The following ALG6 variants were observed in gnomAD, a reference collection of about 807,000 sequenced individuals.
ALG6 encodes dolichyl pyrophosphate Man9GlcNAc2 alpha-1,3-glucosyltransferase.
ALG6 carries 46 observed loss-of-function variants against 66.6 expected under a neutral mutation model. That is an observed-to-expected ratio of 0.69 (90% CI 0.55 to 0.88). The LOEUF is 0.88. Among genes scored for constraint, ALG6 ranks in the 40% least tolerant of loss-of-function variants. The pLI, the probability that ALG6 is intolerant of heterozygous loss-of-function variation, is 0.00. For synonymous variants in ALG6, 185 were observed against 203.7 expected, an observed-to-expected ratio of 0.91 and a Z score of 0.78; for missense variants, 505 against 586.8, an observed-to-expected ratio of 0.86 and a Z score of 1.44.
chr1:63,396,141 CA>C (rs1376841614), intron 2 of ALG6, among the ~76,000 whole-genome samples: 2 of 152,252 alleles, frequency 1.3e-5, no homozygotes, highest in East Asian at 3.9e-4. Context: ...GAATCCCCCA[CA>C]GATACTGAGG....
At chr1:63,403,435 A>G (rs1644475245) in intron 4 of ALG6, among the ~76,000 whole-genome samples, 1 of 152,174 alleles carries the variant, frequency 6.6e-6, no homozygotes, top group Non-Finnish European at 1.5e-5. Context: ...TATAGAAGAT[A>G]AGGAACTTCT....
chr1:63,402,460 A>ATTTTTTTTTTT (rs760751565), intron 4 of ALG6, 117 bp downstream of exon 4: 1 of 233,004 alleles, frequency 4.3e-6, no homozygotes, highest in Non-Finnish European at 7.3e-6. Context: ...CTGCTATTGT[A>ATTTTTTTTTTT]TTTTTTTTTT....
In ALG6 at chr1:63,407,082, C is replaced by T; in HGVS notation, c.450C>T (p.Ile150=). ...TACAGATTGCTAATGCATTATGCAT[C>T]TTGCTGTATCCAGGCCTTATTCTTA... is the stretch of plus-strand genomic sequence containing the variant. ...TKKKIANALC[I]LLYPGLILID... Residue 150 remains isoleucine (I), a synonymous_variant, in exon 7 of 15, where the codon ATC becomes ATT. Transcript: ENST00000263440. 6.2e-7 allele frequency: 1 copy of T among 1,609,252 alleles called. No homozygotes were observed. The highest frequency in any genetic ancestry group is 8.5e-7 in the Non-Finnish European group (1 of 1,176,050).
chr1:63,407,196 T>A, intron 7 of ALG6, 70 bp downstream of exon 7: 1 of 1,108,228 alleles, frequency 9.0e-7, no homozygotes, highest in Non-Finnish European at 1.4e-6. Context: ...TGTACATTGC[T>A]GTCATCTAGT....
At chr1:63,389,828 T>G (rs1332584965) in intron 2 of ALG6, among the ~76,000 whole-genome samples, 1 of 152,216 alleles carries the variant, frequency 6.6e-6, no homozygotes, top group Non-Finnish European at 1.5e-5. Flanking sequence ...TCTTGCAGGC[T>G]CATAGAGGTA....
intron 8 of ALG6, 80 bp downstream of exon 8, chr1:63,411,411 C>A: frequency 7.6e-7 from 1 of 1,321,662 alleles, no homozygotes; most frequent in Non-Finnish European, 1.1e-6. Flanking sequence ...GTAAGATGAT[C>A]TTTCACTTTG....
chr1:63,427,925 G>T (rs546660032), intron 12 of ALG6, among the ~76,000 whole-genome samples: 1 of 150,808 alleles, frequency 6.6e-6, no homozygotes, highest in African/African-American at 2.4e-5. Context: ...TCCTGCTTCA[G>T]CCTCCCAAGT....
intron 2 of ALG6, among the ~76,000 whole-genome samples, chr1:63,382,860 T>C (rs1018273288): frequency 7.2e-5 from 11 of 151,864 alleles, no homozygotes; most frequent in African/African-American, 2.4e-4. Context: ...GTATTTTTAT[T>C]AGAGACAGGG....
chr1:63,378,886 T>C (rs1422728947), intron 2 of ALG6, among the ~76,000 whole-genome samples: 2 of 151,556 alleles, frequency 1.3e-5, no homozygotes, highest in Non-Finnish European at 2.9e-5. Flanking sequence ...TAACTCCCCA[T>C]TGAATGTTAA....
intron 4 of ALG6, among the ~76,000 whole-genome samples, chr1:63,404,024 T>C (rs1557589127): frequency 6.6e-6 from 1 of 152,232 alleles, no homozygotes; most frequent in Non-Finnish European, 1.5e-5. Flanking sequence ...CAATTGTGTT[T>C]AGTTTTATGC....
At chr1:63,376,807 C>T (rs1284982588) in intron 2 of ALG6, among the ~76,000 whole-genome samples, 2 of 152,054 alleles carry the variant, frequency 1.3e-5, no homozygotes, top group East Asian at 3.9e-4. Context: ...TGCATATATT[C>T]AATAACCCAA....
intron 1 of ALG6, among the ~76,000 whole-genome samples, chr1:63,368,874 A>C (rs1160263885): frequency 6.6e-6 from 1 of 152,180 alleles, no homozygotes; most frequent in Non-Finnish European, 1.5e-5. Flanking sequence ...GTAACTTGTT[A>C]ATTTATCCTA....
intron 12 of ALG6, among the ~76,000 whole-genome samples, chr1:63,422,175 T>TAAATA (rs1462458575): frequency 0.042 from 4,792 of 113,712 alleles, 326 homozygotes; most frequent in Non-Finnish European, 0.066. Context: ...AACTATGAAT[T>TAAATA]TATATTTATA....
intron 2 of ALG6, among the ~76,000 whole-genome samples, chr1:63,374,773 A>C (rs981317776): frequency 2.6e-5 from 4 of 152,188 alleles, no homozygotes; most frequent in Non-Finnish European, 5.9e-5. Flanking sequence ...TAGCCCTAAA[A>C]TGTCTGCTAT....
At chr1:63,422,431 A>AT (rs1491395462) in intron 12 of ALG6, among the ~76,000 whole-genome samples, 2 of 34,542 alleles carry the variant, frequency 5.8e-5, no homozygotes, top group African/African-American at 2.2e-4. Context: ...ATATAAATAT[A>AT]AATATATATA....
chr1:63,411,044 A>G, intron 7 of ALG6, 102 bp from the exon 8 acceptor site: 2 of 1,124,586 alleles, frequency 1.8e-6, no homozygotes, highest in Non-Finnish European at 2.6e-6. Flanking sequence ...GAGATATGCT[A>G]TGAGCTTGCA....
At chr1:63,394,965 A>C (rs1648775802) in intron 2 of ALG6, among the ~76,000 whole-genome samples, 1 of 151,422 alleles carries the variant, frequency 6.6e-6, no homozygotes, top group Non-Finnish European at 1.5e-5. Context: ...TCCTGGGTTC[A>C]AGCGATTCTC....
chr1:63,419,981 A>G (rs1019312379), intron 12 of ALG6, among the ~76,000 whole-genome samples: 1 of 152,186 alleles, frequency 6.6e-6, no homozygotes. Flanking sequence ...ATATCCTAAT[A>G]TTAAAATAGT....
chr1:63,392,778 GCCCTT>G (rs2100401509), intron 2 of ALG6, among the ~76,000 whole-genome samples: 1 of 151,962 alleles, frequency 6.6e-6, no homozygotes, highest in South Asian at 2.1e-4. Context: ...ATCGTTTTTT[GCCCTT>G]CCCAAGTGAA....
Sources: allele counts gnomAD v4.1 joint callset (sites outside exome capture counted in the v4.1 genomes callset), GRCh38; gene constraint gnomAD v4.1.1; transcripts MANE v1.5; gene names NCBI Gene and HGNC (gene_info 2026-07-23, HGNC 2026-07-21).